RS1: variants seen among roughly 807,000 people sequenced by gnomAD.
The protein encoded by RS1 is retinoschisin.
A neutral mutation model predicts 20.8 loss-of-function variants in RS1; 2 were observed. The observed-to-expected ratio is 0.10, with a 90% CI of 0.04 to 0.30. The LOEUF (loss-of-function observed/expected upper bound fraction) is 0.30, where lower values mean the gene tolerates loss of function less well. Among genes scored for constraint, RS1 ranks in the 10% least tolerant of loss-of-function variants. The probability of loss-of-function intolerance (pLI) is 1.00; values close to 1 mark genes in which losing one functional copy is unlikely to be tolerated. For synonymous variants in RS1, 70 were observed against 75.8 expected, an observed-to-expected ratio of 0.92 and a Z score of 0.40; for missense variants, 151 against 189.8, an observed-to-expected ratio of 0.80 and a Z score of 1.20.
intron 3 of RS1, among the ~76,000 whole-genome samples, chrX:18,649,282 C>T (rs1286680997): frequency 1.8e-5 from 2 of 111,170 alleles, no homozygotes; most frequent in Non-Finnish European, 3.8e-5. Context: ...GTCGCACAGG[C>T]TGGAGTGCTG....
chrX:18,652,824 G>T (rs972691661), intron 3 of RS1, among the ~76,000 whole-genome samples: 15 of 112,377 alleles, frequency 1.3e-4, no homozygotes, highest in African/African-American at 4.5e-4. Flanking sequence ...GGCTCAAATG[G>T]CTCTTCTGAG....
chrX:18,646,403 C>T (rs749363784), intron 4 of RS1, among the ~76,000 whole-genome samples: 1 of 112,412 alleles, frequency 8.9e-6, no homozygotes, highest in African/African-American at 3.2e-5. Context: ...ATCTGCCCCC[C>T]CTCGGCCTCC....
chrX:18,663,634 C>G (rs1344895540), intron 1 of RS1, among the ~76,000 whole-genome samples: 1 of 111,623 alleles, frequency 9.0e-6, no homozygotes, highest in Non-Finnish European at 1.9e-5. Flanking sequence ...TCGTGAGCCA[C>G]TGCACCCAGC....
chrX:18,655,059 C>T (rs1460431293), intron 3 of RS1, among the ~76,000 whole-genome samples: 2 of 111,942 alleles, frequency 1.8e-5, no homozygotes, highest in African/African-American at 6.5e-5. Flanking sequence ...AGGATTTAAG[C>T]ATTGCAAATA....
At chrX:18,649,640 G>A (rs1044768827) in intron 3 of RS1, among the ~76,000 whole-genome samples, 3 of 111,887 alleles carry the variant, frequency 2.7e-5, no homozygotes, top group African/African-American at 9.7e-5. Context: ...GAGTACTCAA[G>A]TACTCAAGAA....
chrX:18,669,882 G>A (rs1236345861), intron 1 of RS1, among the ~76,000 whole-genome samples: 1 of 112,143 alleles, frequency 8.9e-6, no homozygotes, highest in Non-Finnish European at 1.9e-5. Context: ...AAAGGCCTGC[G>A]TTAAGCAAGT....
At chrX:18,648,550 C>A (rs1927890937) in intron 3 of RS1, among the ~76,000 whole-genome samples, 1 of 111,606 alleles carries the variant, frequency 9.0e-6, no homozygotes, top group Non-Finnish European at 1.9e-5. Flanking sequence ...GCCTCCCCTT[C>A]TTTTTGACTA....
Position 18,647,132 on chromosome X carries a change from G to A in RS1, c.326+59C>T, listed in dbSNP as rs1017501911. The A allele has an allele frequency of 6.0e-6, 7 of 1,172,608 alleles. No individual in the cohort carries two copies. The Admixed American group carries it at 1.5e-4, about 26-fold the overall frequency. ...GGGTTTCACTGTGTTGGCCACGCTG[G>A]TAGAGAGGCCTATTTTTTTTTAAAA... On this transcript the variant is annotated intron_variant, in intron 4 of 5. Coordinates refer to ENST00000379984, the MANE Select transcript of RS1 (RefSeq NM_000330.4).
rs752870628 is a variant in RS1, at chrX:18,647,183, C to G, written c.326+8G>C. 10 of 1,208,406 alleles carry G rather than the reference C, an allele frequency of 8.3e-6. No individual in the cohort carries two copies. Among genetic ancestry groups the G allele is most frequent in the Non-Finnish European group, 1.1e-5 (10 of 894,949 alleles). ...GCACATGAAAAAAAATCCCCGGGCC[C>G]TGCTTACCCAAAGCCTTGACTGTTG... is the stretch of plus-strand genomic sequence containing the variant. On this transcript the variant is annotated splice_region_variant and intron_variant, in intron 4 of 5. Coordinates refer to ENST00000379984, the MANE Select transcript of RS1 (RefSeq NM_000330.4).
intron 4 of RS1, among the ~76,000 whole-genome samples, chrX:18,646,506 T>G (rs1927779233): frequency 8.9e-6 from 1 of 112,612 alleles, no homozygotes; most frequent in Non-Finnish European, 1.9e-5. Flanking sequence ...ATTAAGTCAC[T>G]GTACTTTGGT....
At chrX:18,645,291 T>C (rs2048080737) in intron 4 of RS1, among the ~76,000 whole-genome samples, 1 of 111,397 alleles carries the variant, frequency 9.0e-6, no homozygotes, top group African/African-American at 3.3e-5. Context: ...TCCAGACTTA[T>C]TCCTTGGGTG....
chrX:18,649,468 C>T (rs1478241913), intron 3 of RS1, among the ~76,000 whole-genome samples: 1 of 111,863 alleles, frequency 8.9e-6, no homozygotes, highest in Non-Finnish European at 1.9e-5. Flanking sequence ...CAGAGACGGC[C>T]ATGCCCTGTC....
At chrX:18,658,977 A>G (rs948613357) in intron 1 of RS1, among the ~76,000 whole-genome samples, 1 of 111,799 alleles carries the variant, frequency 8.9e-6, no homozygotes, top group Non-Finnish European at 1.9e-5. Context: ...TATAAGTACC[A>G]TATACATAAT....
At chrX:18,651,972 G>A (rs1371680850) in intron 3 of RS1, among the ~76,000 whole-genome samples, 2 of 110,016 alleles carry the variant, frequency 1.8e-5, no homozygotes, top group Non-Finnish European at 3.8e-5. Context: ...CCATGCCTCA[G>A]CCTTCAGATC....
At chrX:18,644,124 A>G (rs774528599) in intron 5 of RS1, among the ~76,000 whole-genome samples, 2 of 112,225 alleles carry the variant, frequency 1.8e-5, no homozygotes, top group African/African-American at 6.5e-5. Flanking sequence ...AGTGCATTCA[A>G]TGATCCAGTG....
intron 1 of RS1, among the ~76,000 whole-genome samples, chrX:18,669,859 T>C (rs1403855270): frequency 8.9e-6 from 1 of 112,273 alleles, no homozygotes; most frequent in African/African-American, 3.2e-5. Flanking sequence ...CTGCTTTCCT[T>C]TCAAGTGCTG....
chrX:18,670,328 C>T (rs1175132114), intron 1 of RS1, among the ~76,000 whole-genome samples: 3 of 104,761 alleles, frequency 2.9e-5, no homozygotes, highest in Non-Finnish European at 5.8e-5. Context: ...AGCAATCAGA[C>T]GATTCTCCCG....
At chrX:18,666,665 G>A (rs1254207689) in intron 1 of RS1, among the ~76,000 whole-genome samples, 1 of 111,634 alleles carries the variant, frequency 9.0e-6, no homozygotes. Flanking sequence ...CGAGGTGAGT[G>A]CAGTCATCCG....
intron 3 of RS1, among the ~76,000 whole-genome samples, chrX:18,651,262 TGTGAGAGA>T (rs1381164076): frequency 5.1e-5 from 4 of 77,734 alleles, no homozygotes; most frequent in African/African-American, 1.6e-4. Context: ...TGTGTGTGTG[TGTGAGAGA>T]GAGAGAGAGA....
Sources: gnomAD v4.1 joint callset for allele counts (sites outside exome capture counted in the v4.1 genomes callset) on GRCh38, gnomAD v4.1.1 for gene constraint, MANE v1.5 for transcripts, NCBI Gene and HGNC (gene_info 2026-07-23, HGNC 2026-07-21) for gene names.